FHOD3: variants seen among roughly 807,000 people sequenced by gnomAD.
FHOD3 encodes the protein FH1/FH2 domain-containing protein 3.
FHOD3 carries 90 observed loss-of-function variants against 173.0 expected under a neutral mutation model. That is an observed-to-expected ratio of 0.52 (90% confidence interval 0.44 to 0.62). The LOEUF (loss-of-function observed/expected upper bound fraction) is 0.62, where lower values mean the gene tolerates loss of function less well. Among genes scored for constraint, FHOD3 ranks in the 20% least tolerant of loss-of-function variants. FHOD3 has a pLI of 0.00. For missense variants in FHOD3, 1,945 were observed against 2,034.7 expected (o/e 0.96, Z 0.85); for synonymous variants, 828 against 823.0 (o/e 1.01, Z -0.10).
At chr18:36,372,554 T>G (rs933259268) in intron 2 of FHOD3, 126 bp from the exon 3 acceptor site, 3 of 647,194 alleles carry the variant, frequency 4.6e-6, no homozygotes, top group Non-Finnish European at 8.3e-6. Context: ...TCTTATTCAG[T>G]GTGGGTCTCT....
chr18:36,747,057 A>G lies in FHOD3; in HGVS notation c.4154A>G (p.Gln1385Arg), dbSNP rs2042186220. 6.2e-7 allele frequency: 1 copy of G among 1,614,084 alleles called. No homozygotes were observed. The highest frequency in any genetic ancestry group is 8.5e-7 in the Non-Finnish European group (1 of 1,180,038). The change falls in exon 24 of 29, where the codon CAA becomes CGA. Residue 1385 changes from glutamine (Q) to arginine (R), a missense_variant. Physicochemically the swap from Gln to Arg is conservative, Grantham distance 43. Transcript: ENST00000590592. ...AKHEMKPVLKQRMSEFLKDCA... is the reference protein window; with the variant it reads ...AKHEMKPVLKRRMSEFLKDCA... ...CATGAAATGAAACCAGTTTTAAAAC[A>G]ACGGATGTCAGAGTTCCTGAAAGAC...
chr18:36,576,035 G>A (rs2058635624), intron 5 of FHOD3, among the ~76,000 whole-genome samples: 1 of 152,212 alleles, frequency 6.6e-6, no homozygotes, highest in Non-Finnish European at 1.5e-5. Flanking sequence ...GCTGACCACA[G>A]ACTGGGGCAC....
chr18:36,547,259 A>G (rs1160630245), intron 5 of FHOD3, among the ~76,000 whole-genome samples: 1 of 152,166 alleles, frequency 6.6e-6, no homozygotes. Flanking sequence ...CACTGACTTG[A>G]GTGGAAAGTT....
At chr18:36,657,907 G>GA (rs1262791684) in intron 13 of FHOD3, among the ~76,000 whole-genome samples, 168 bp from the exon 14 acceptor site, 10 of 152,072 alleles carry the variant, frequency 6.6e-5, no homozygotes, top group African/African-American at 1.9e-4. Context: ...GAAATTATCA[G>GA]AAAAAAACAG....
rs186506465 is a variant in FHOD3 at position 36,709,341 on chromosome 18, C to G, written c.2483C>G (p.Thr828Arg). ...SASSVSSSSS[T>R]LEREEKEDKL... ...TCCAGCGTCTCGTCCTCCAGCAGCACGTTGGAGAGGGAGGAGAAGGAGGAC... is the reference window on the plus strand; with the variant it reads ...TCCAGCGTCTCGTCCTCCAGCAGCAGGTTGGAGAGGGAGGAGAAGGAGGAC... The change falls in exon 18 of 29, where the codon ACG becomes AGG. Residue 828 changes from threonine to arginine, a missense_variant. By Grantham distance (71) the Thr-to-Arg change is moderately conservative (BLOSUM62 -1). This residue lies in a region of FHOD3 where 1,099 missense variants were observed against 1,051.2 expected (regional missense o/e 1.05). Transcript: ENST00000590592. The G allele has an allele frequency of 1.2e-6, 2 of 1,614,218 alleles. No homozygotes were observed. Among genetic ancestry groups the G allele is most frequent in the East Asian group, 2.2e-5 (1 of 44,894 alleles).
chr18:36,758,779 ACT>A (rs1280953493), intron 25 of FHOD3, among the ~76,000 whole-genome samples: 1 of 152,158 alleles, frequency 6.6e-6, no homozygotes, highest in Non-Finnish European at 1.5e-5. Flanking sequence ...AGAGCAGGAC[ACT>A]CTCAGCACGA....
chr18:36,357,619 A>G (rs952357034), intron 2 of FHOD3, among the ~76,000 whole-genome samples: 1 of 152,186 alleles, frequency 6.6e-6, no homozygotes, highest in Non-Finnish European at 1.5e-5. Context: ...ACTTATTGCT[A>G]TTTTTAAAAT....
At chr18:36,733,251 G>T (rs1434161138) in intron 20 of FHOD3, among the ~76,000 whole-genome samples, 2 of 152,192 alleles carry the variant, frequency 1.3e-5, no homozygotes, top group Non-Finnish European at 2.9e-5. Context: ...TTCCAAGAAG[G>T]TTTGCTTCTC....
At chr18:36,492,620 A>G (rs2054528593) in intron 3 of FHOD3, among the ~76,000 whole-genome samples, 1 of 152,200 alleles carries the variant, frequency 6.6e-6, no homozygotes, top group Non-Finnish European at 1.5e-5. Context: ...ACTCATAAGT[A>G]TTTAAAATGT....
chr18:36,616,709 C>T (rs1363142136), intron 9 of FHOD3, among the ~76,000 whole-genome samples: 1 of 152,210 alleles, frequency 6.6e-6, no homozygotes, highest in Non-Finnish European at 1.5e-5. Flanking sequence ...TCCTACTACT[C>T]CTATCCCCAG....
intron 14 of FHOD3, among the ~76,000 whole-genome samples, chr18:36,666,705 C>T (rs776849788): frequency 6.6e-6 from 1 of 152,142 alleles, no homozygotes; most frequent in Admixed American, 6.5e-5. Flanking sequence ...TAGGAAACAT[C>T]GAAGGTTTGC....
intron 3 of FHOD3, among the ~76,000 whole-genome samples, chr18:36,450,428 A>G (rs1342642245): frequency 3.3e-5 from 5 of 150,224 alleles, no homozygotes; most frequent in Non-Finnish European, 7.4e-5. Context: ...GACCAGTAGC[A>G]TTTACGACCA....
At chr18:36,727,551 A>G (rs900983183) in intron 19 of FHOD3, among the ~76,000 whole-genome samples, 5 of 152,096 alleles carry the variant, frequency 3.3e-5, no homozygotes, top group African/African-American at 9.7e-5. Context: ...CCTTCATGAT[A>G]TGGGTGGAAG....
intron 3 of FHOD3, among the ~76,000 whole-genome samples, chr18:36,495,759 A>C (rs908636038): frequency 6.6e-6 from 1 of 152,096 alleles, no homozygotes; most frequent in African/African-American, 2.4e-5. Flanking sequence ...ACACACACAC[A>C]CCCACATATA....
At chr18:36,567,220 T>A (rs2058296479) in intron 5 of FHOD3, among the ~76,000 whole-genome samples, 1 of 152,142 alleles carries the variant, frequency 6.6e-6, no homozygotes, top group African/African-American at 2.4e-5. Flanking sequence ...GGCTTCCTTT[T>A]AACAGTTCAT....
intron 14 of FHOD3, among the ~76,000 whole-genome samples, chr18:36,676,830 G>T (rs2037893757): frequency 6.6e-6 from 1 of 152,022 alleles, no homozygotes; most frequent in South Asian, 2.1e-4. Context: ...ATTACCCTTT[G>T]CCCATTTTCC....
At chr18:36,341,239 A>T (rs2045603687) in intron 1 of FHOD3, among the ~76,000 whole-genome samples, 1 of 152,230 alleles carries the variant, frequency 6.6e-6, no homozygotes, top group African/African-American at 2.4e-5. Flanking sequence ...TGTTAATTGA[A>T]TAGTAAATAT....
At chr18:36,383,832 G>A (rs535957611) in intron 3 of FHOD3, among the ~76,000 whole-genome samples, 112 of 152,332 alleles carry the variant, frequency 7.4e-4, no homozygotes, top group Non-Finnish European at 1.4e-3. Flanking sequence ...TGACTGAGTT[G>A]AGATTTGCAC....
intron 5 of FHOD3, among the ~76,000 whole-genome samples, chr18:36,544,252 C>T (rs2057332885): frequency 1.3e-5 from 2 of 152,218 alleles, no homozygotes; most frequent in East Asian, 1.9e-4. Flanking sequence ...CTGGTGCCAC[C>T]TCCCCACCCG....
Sources: allele counts gnomAD v4.1 joint callset (sites outside exome capture counted in the v4.1 genomes callset), GRCh38; gene constraint gnomAD v4.1.1; regional missense constraint gnomAD v4.1.1; transcripts MANE v1.5; gene names NCBI Gene and HGNC (gene_info 2026-07-23, HGNC 2026-07-21).